VMP1: variants seen among roughly 807,000 people sequenced by gnomAD.
VMP1 encodes ectopic P-granules autophagy protein 3 homolog.
VMP1 carries 11 observed loss-of-function variants against 56.0 expected under a neutral mutation model. The ratio of observed to expected loss-of-function variants is 0.20; its 90% CI spans 0.12 to 0.32. The LOEUF (loss-of-function observed/expected upper bound fraction) is 0.32. VMP1 is among the 10% of genes least tolerant of loss of function. The pLI is 1.00. For missense variants in VMP1, 296 were observed against 490.3 expected, an observed-to-expected ratio of 0.60 and a Z score of 3.74; for synonymous variants, 149 against 165.0, an observed-to-expected ratio of 0.90 and a Z score of 0.74.
At position 59,840,696 on chromosome 17, in the gene VMP1, C is replaced by T. The variant is rs1454982883; in HGVS notation, c.*785C>T. On this transcript the variant is annotated 3_prime_UTR_variant, in exon 12 of 12. Transcript: ENST00000262291. ...CTACAACAAGAATTTCTTAAGCTTT[C>T]TTTTATTTGCATGAGAGAGCCACTA... The T allele has an allele frequency of 2.6e-5, 4 of 152,428 alleles. No homozygotes were observed. In the East Asian group the frequency reaches 7.7e-4, roughly 29 times the overall value. 9.4% of individuals were successfully genotyped at this position (152,428 alleles called of 1,614,324 possible).
In VMP1 at chr17:59,765,085, A is replaced by G. The variant is rs201472232; in HGVS notation, c.529A>G (p.Thr177Ala). The G allele has an allele frequency of 2.0e-4, 327 of 1,613,974 alleles. 2 individuals carry two copies. Among genetic ancestry groups the G allele is most frequent in the South Asian group, 5.4e-4 (49 of 91,082 alleles). ...TCCAGATGAAGAGGGCACTGAAGGA[A>G]CCATTTCTTTGTGGAGTATCATCTC... is the stretch of plus-strand genomic sequence containing the variant. Reference protein sequence around the residue: ...ICPDEEGTEGTISLWSIISKV... With the variant: ...ICPDEEGTEGAISLWSIISKV... Residue 177 changes from threonine to alanine, a missense_variant, in exon 6 of 12, where the codon ACC (threonine) becomes GCC (alanine). Coordinates refer to ENST00000262291, the MANE Select transcript of VMP1 (RefSeq NM_030938.5).
At chr17:59,749,353 C>T (rs773609575) in intron 5 of VMP1, among the ~76,000 whole-genome samples, 5 of 151,856 alleles carry the variant, frequency 3.3e-5, no homozygotes, top group Non-Finnish European at 5.9e-5. Flanking sequence ...AGACCAAGAT[C>T]TAAGTTATAC....
chr17:59,729,478 CA>C (rs1222683335), intron 1 of VMP1, among the ~76,000 whole-genome samples: 455 of 44,654 alleles, frequency 0.01, no homozygotes, highest in African/African-American at 0.028. Context: ...GACTCCATCT[CA>C]AAAAAAAAAA....
chr17:59,729,097 G>A (rs1256734889), intron 1 of VMP1, among the ~76,000 whole-genome samples: 1 of 152,170 alleles, frequency 6.6e-6, no homozygotes, highest in Non-Finnish European at 1.5e-5. Flanking sequence ...GCAGTAGTAT[G>A]TATTACTACT....
intron 7 of VMP1, among the ~76,000 whole-genome samples, chr17:59,789,897 T>C (rs778740237): frequency 1.1e-3 from 145 of 132,894 alleles, no homozygotes; most frequent in Non-Finnish European, 1.9e-3. Flanking sequence ...TGGAGTGCAG[T>C]GGTGTGATCT....
At position 59,738,894 on chromosome 17, in the gene VMP1, A is replaced by G; in HGVS notation, c.361A>G (p.Ile121Val). ...GTATGCCTACTGGATAGGCTTAGGA[A>G]TTTTGTCTTCTGTTGGGCTTGGAAC... The part of the protein sequence containing the change: ...LLYAYWIGLG[I>V]LSSVGLGTGL... The change falls in exon 5 of 12, where the codon ATT (isoleucine) becomes GTT (valine). Residue 121 changes from isoleucine to valine, a missense_variant. By Grantham distance (29) the Ile-to-Val change is conservative. Coordinates refer to ENST00000262291, the MANE Select transcript of VMP1 (RefSeq NM_030938.5). The G allele has an allele frequency of 6.2e-7, 1 of 1,613,150 alleles. No individual in the cohort carries two copies. Among genetic ancestry groups the G allele is most frequent in the African/African-American group, 1.3e-5 (1 of 74,980 alleles).
At chr17:59,807,370 T>G (rs1264019604) in intron 7 of VMP1, among the ~76,000 whole-genome samples, 1 of 151,938 alleles carries the variant, frequency 6.6e-6, no homozygotes, top group Non-Finnish European at 1.5e-5. Flanking sequence ...GCTAATTTTT[T>G]GTATTTTTAG....
chr17:59,765,290 A>T, intron 6 of VMP1, 152 bp downstream of exon 6: 1 of 876,984 alleles, frequency 1.1e-6, no homozygotes, highest in Non-Finnish European at 1.7e-6. Flanking sequence ...GAAACCTTTT[A>T]GAGCATCTCC....
In VMP1 at chr17:59,732,188, C is replaced by T. The variant is rs570241885; in HGVS notation, c.76+666C>T. ...CTCTAGTGTGGTAATATTTTCACAG[C>T]AATCCTCTACTTTTAGAGGAAGTGC... On this transcript the variant is annotated intron_variant, in intron 2 of 11. Coordinates refer to ENST00000262291, the MANE Select transcript of VMP1 (RefSeq NM_030938.5). 4.6e-5 allele frequency among the ~76,000 whole-genome samples: 7 copies of T among 152,242 alleles called. No homozygotes were observed. In the South Asian group the frequency reaches 1.5e-3, roughly 32 times the overall value.
chr17:59,789,083 G>C (rs1257868559), intron 7 of VMP1, among the ~76,000 whole-genome samples: 1 of 148,274 alleles, frequency 6.7e-6, no homozygotes, highest in Non-Finnish European at 1.5e-5. Context: ...GAGGTCAGGA[G>C]ATCAAGACCA....
rs116136150 is a variant in VMP1 at position 59,782,681 on chromosome 17, G to A, written c.714+8796G>A. Among the ~76,000 whole-genome samples, 483 of 152,162 alleles carry A rather than the reference G, an allele frequency of 3.2e-3. 4 individuals carry two copies. Among genetic ancestry groups the A allele is most frequent in the African/African-American group, 0.011 (447 of 41,514 alleles). On this transcript the variant is annotated intron_variant, in intron 7 of 11. Coordinates refer to ENST00000262291, the MANE Select transcript of VMP1 (RefSeq NM_030938.5). ...AAGTTGAATCAACTGTAGCTAAAAC[G>A]GCAAATTAAGTAAAATCAATCCGTA...
intron 7 of VMP1, chr17:59,785,004 A>C (rs1233500336): frequency 6.6e-6 from 1 of 152,202 alleles, no homozygotes; most frequent in Admixed American, 6.5e-5. Context: ...GTATAACCAA[A>C]AAGAAAAATT....
intron 1 of VMP1, among the ~76,000 whole-genome samples, chr17:59,728,908 C>T (rs1461223657): frequency 6.6e-6 from 1 of 152,074 alleles, no homozygotes; most frequent in Non-Finnish European, 1.5e-5. Context: ...ATCATCACCC[C>T]AGAAAAAAAC....
At chr17:59,722,475 G>A (rs1281686044) in intron 1 of VMP1, among the ~76,000 whole-genome samples, 1 of 151,904 alleles carries the variant, frequency 6.6e-6, no homozygotes, top group Non-Finnish European at 1.5e-5. Context: ...TTATGGTTAT[G>A]AGCCCAGCCT....
intron 7 of VMP1, among the ~76,000 whole-genome samples, chr17:59,795,705 C>G (rs143881078): frequency 1.3e-5 from 2 of 151,986 alleles, no homozygotes; most frequent in African/African-American, 4.8e-5. Flanking sequence ...ACAAAAATCT[C>G]TTATTTTCGT....
chr17:59,752,630 GGA>G (rs2143916001), intron 5 of VMP1, among the ~76,000 whole-genome samples: 1 of 152,314 alleles, frequency 6.6e-6, no homozygotes, highest in African/African-American at 2.4e-5. Flanking sequence ...TCTGATGACA[GGA>G]AGATTTGGTT....
chr17:59,722,516 G>A (rs1395686060), intron 1 of VMP1, among the ~76,000 whole-genome samples: 7 of 151,982 alleles, frequency 4.6e-5, no homozygotes, highest in Non-Finnish European at 1.0e-4. Flanking sequence ...CATAAAAAAC[G>A]TACAGCAACC....
At chr17:59,765,263 C>T (rs2036191408) in intron 6 of VMP1, 125 bp downstream of exon 6, 2 of 1,148,748 alleles carry the variant, frequency 1.7e-6, no homozygotes, top group Non-Finnish European at 2.4e-6. Flanking sequence ...AACCAGCTAC[C>T]TACTTCCAAG....
chr17:59,762,316 A>G (rs1432702738), intron 5 of VMP1, among the ~76,000 whole-genome samples: 1 of 152,078 alleles, frequency 6.6e-6, no homozygotes, highest in Non-Finnish European at 1.5e-5. Context: ...AATTAATACT[A>G]TAGCTGTTTG....
Sources: gnomAD v4.1 joint callset for allele counts (sites outside exome capture counted in the v4.1 genomes callset) on GRCh38, gnomAD v4.1.1 for gene constraint, MANE v1.5 for transcripts, NCBI Gene and HGNC (gene_info 2026-07-23, HGNC 2026-07-21) for gene names.